PAN3: variants seen among roughly 807,000 people sequenced by gnomAD.
The protein encoded by PAN3 is poly(A) specific ribonuclease subunit PAN3, also known as PAN2-PAN3 deadenylation complex subunit PAN3.
PAN3 carries 19 observed loss-of-function variants against 96.2 expected under a neutral mutation model. The observed-to-expected ratio is 0.20, with a 90% confidence interval of 0.14 to 0.29. PAN3 has a LOEUF of 0.29. PAN3 is among the 10% of genes least tolerant of loss of function. PAN3 has a pLI of 1.00. For missense variants in PAN3, 882 were observed against 1,108.1 expected (o/e 0.80, Z 2.90); for synonymous variants, 433 against 406.6 (o/e 1.06, Z -0.78).
chr13:28,182,303 C>G (rs1566165243), intron 4 of PAN3, among the ~76,000 whole-genome samples: 1 of 152,160 alleles, frequency 6.6e-6, no homozygotes, highest in Non-Finnish European at 1.5e-5. Flanking sequence ...GCTTGGCTTT[C>G]TCCTTTTATA....
intron 2 of PAN3, among the ~76,000 whole-genome samples, 193 bp from the exon 3 acceptor site, chr13:28,176,300 T>C (rs1593413474): frequency 1.3e-5 from 2 of 152,158 alleles, no homozygotes; most frequent in African/African-American, 2.4e-5. Flanking sequence ...GGGTAGTGAG[T>C]AAAATTTTCA....
intron 1 of PAN3, among the ~76,000 whole-genome samples, chr13:28,155,779 G>A (rs941502002): frequency 6.6e-6 from 1 of 151,996 alleles, no homozygotes; most frequent in Non-Finnish European, 1.5e-5. Context: ...TATTTTGAGA[G>A]GTGATATTTG....
intron 5 of PAN3, among the ~76,000 whole-genome samples, chr13:28,202,619 C>G (rs1277414402): frequency 6.6e-6 from 1 of 151,984 alleles, no homozygotes; most frequent in Non-Finnish European, 1.5e-5. Flanking sequence ...TCTGGGATTA[C>G]TTGTATACAC....
chr13:28,244,146 T>G (rs1883952347), intron 6 of PAN3, among the ~76,000 whole-genome samples: 1 of 152,232 alleles, frequency 6.6e-6, no homozygotes, highest in African/African-American at 2.4e-5. Context: ...GTTTTCTTTA[T>G]GATTTTAAGA....
In PAN3 at chr13:28,292,379, C is replaced by A. The variant is rs900960379; in HGVS notation, c.2524-3C>A. On this transcript the variant is annotated splice_polypyrimidine_tract_variant and splice_region_variant and intron_variant, in intron 18 of 18. Transcript: ENST00000380958. Reference sequence around the variant, plus strand: ...TTCATATTTTGTGTATATATTGTTTCAGCTAGATGCTGGTGTGCCAGAAAA... The same window carrying A: ...TTCATATTTTGTGTATATATTGTTTAAGCTAGATGCTGGTGTGCCAGAAAA... 1.9e-6 allele frequency: 3 copies of A among 1,600,808 alleles called. No homozygotes were observed. Among genetic ancestry groups the A allele is most frequent in the Non-Finnish European group, 2.6e-6 (3 of 1,174,346 alleles).
rs185448273 is a variant in PAN3 at position 28,214,677 on chromosome 13, A to G, written c.853-5554A>G. 57 of 455,526 alleles carry G rather than the reference A, an allele frequency of 1.3e-4. No homozygotes were observed. The East Asian group carries it at 2.5e-3, about 20-fold the overall frequency. 28.2% of individuals were successfully genotyped at this position (455,526 alleles called of 1,614,324 possible). On this transcript the variant is annotated intron_variant, in intron 5 of 18. Coordinates refer to ENST00000380958, the MANE Select transcript of PAN3 (RefSeq NM_175854.8). Reference sequence around the variant, plus strand: ...GCTGAGATGGGAAAGGGCTCCTTCAAGTATTCCTGGGTCTTGGATAAACTG... The same window carrying G: ...GCTGAGATGGGAAAGGGCTCCTTCAGGTATTCCTGGGTCTTGGATAAACTG...
At position 28,216,853 on chromosome 13, in the gene PAN3, C is replaced by T. The variant is rs564006728; in HGVS notation, c.853-3378C>T. On this transcript the variant is annotated intron_variant, in intron 5 of 18. Coordinates refer to ENST00000380958, the MANE Select transcript of PAN3 (RefSeq NM_175854.8). ...AAATTAGGCCAGGTGTGGTGGCTCA[C>T]GCCTGTAATCCCAGCACTTTGGGAG... is the stretch of plus-strand genomic sequence containing the variant. Among the ~76,000 whole-genome samples, 69 of 151,876 alleles carry T rather than the reference C, an allele frequency of 4.5e-4. 1 individual carries two copies. Among genetic ancestry groups the T allele is most frequent in the African/African-American group, 1.1e-3 (45 of 41,372 alleles).
chr13:28,155,771 T>A (rs916764437), intron 1 of PAN3, among the ~76,000 whole-genome samples: 4 of 152,032 alleles, frequency 2.6e-5, no homozygotes, highest in Non-Finnish European at 5.9e-5. Context: ...TTCAGGGATA[T>A]TTTGAGAGGT....
intron 1 of PAN3, among the ~76,000 whole-genome samples, chr13:28,147,870 T>C (rs971000839): frequency 1.3e-5 from 2 of 152,178 alleles, no homozygotes; most frequent in African/African-American, 4.8e-5. Flanking sequence ...CTTTGTCTTT[T>C]CTGATACCTC....
intron 7 of PAN3, among the ~76,000 whole-genome samples, chr13:28,260,163 G>A (rs920755178): frequency 1.1e-4 from 16 of 152,062 alleles, no homozygotes; most frequent in African/African-American, 3.4e-4. Context: ...TTGGGAGGCC[G>A]AGGCAGGTGG....
At chr13:28,221,359 C>A (rs911412236) in intron 6 of PAN3, among the ~76,000 whole-genome samples, 2 of 148,424 alleles carry the variant, frequency 1.3e-5, no homozygotes, top group African/African-American at 5.0e-5. Context: ...AAAAAAAAAA[C>A]AGAAATAAAA....
intron 1 of PAN3, among the ~76,000 whole-genome samples, chr13:28,139,440 G>A (rs1458065402): frequency 1.3e-5 from 2 of 151,476 alleles, no homozygotes; most frequent in Non-Finnish European, 1.5e-5. Context: ...GGGTTTGCAG[G>A]CACATGTGTT....
At chr13:28,147,510 A>AAAT (rs1380894759) in intron 1 of PAN3, among the ~76,000 whole-genome samples, 1 of 152,206 alleles carries the variant, frequency 6.6e-6, no homozygotes, top group African/African-American at 2.4e-5. Flanking sequence ...AGCCTACCTT[A>AAAT]AATAGGCCCA....
chr13:28,152,217 A>T (rs1871453028), intron 1 of PAN3, among the ~76,000 whole-genome samples: 4 of 152,004 alleles, frequency 2.6e-5, no homozygotes, highest in African/African-American at 7.2e-5. Flanking sequence ...ACTAGCCCTT[A>T]AAAAAAAGGC....
At chr13:28,168,722 AAAG>A (rs1297005908) in intron 1 of PAN3, among the ~76,000 whole-genome samples, 1 of 151,916 alleles carries the variant, frequency 6.6e-6, no homozygotes, top group Non-Finnish European at 1.5e-5. Context: ...CTCTTAAAAA[AAAG>A]AAGTGTATTG....
At chr13:28,145,746 G>A (rs912819461) in intron 1 of PAN3, among the ~76,000 whole-genome samples, 1 of 149,224 alleles carries the variant, frequency 6.7e-6, no homozygotes, top group African/African-American at 2.5e-5. Context: ...GGAAGCCACC[G>A]TGCCAAGCTA....
chr13:28,139,427 G>A (rs1869315944), intron 1 of PAN3, among the ~76,000 whole-genome samples: 1 of 151,586 alleles, frequency 6.6e-6, no homozygotes, highest in Non-Finnish European at 1.5e-5. Flanking sequence ...GTGGAAAGGG[G>A]CTGGGTTTGC....
intron 1 of PAN3, among the ~76,000 whole-genome samples, chr13:28,146,334 C>T (rs756994137): frequency 8.1e-5 from 12 of 148,394 alleles, no homozygotes; most frequent in Non-Finnish European, 1.5e-4. Flanking sequence ...CTCATATTAG[C>T]TTGGGTTGCC....
In PAN3 at chr13:28,287,282, A is replaced by G. The variant is rs1402675905; in HGVS notation, c.2385-702A>G. 5.3e-5 allele frequency among the ~76,000 whole-genome samples: 8 copies of G among 152,006 alleles called. No individual in the cohort carries two copies. In the East Asian group the frequency reaches 1.5e-3, roughly 29 times the overall value. On this transcript the variant is annotated intron_variant, in intron 17 of 18. Coordinates refer to ENST00000380958, the MANE Select transcript of PAN3 (RefSeq NM_175854.8). ...TTTTCTGTAATCATTGTTTTTACCT[A>G]TTTTTTCTTAATGGGAATTGTATCA...
Sources: allele counts gnomAD v4.1 joint callset (sites outside exome capture counted in the v4.1 genomes callset), GRCh38; gene constraint gnomAD v4.1.1; transcripts MANE v1.5; gene names NCBI Gene and HGNC (gene_info 2026-07-23, HGNC 2026-07-21).